TNRC6C: variants seen among roughly 807,000 people sequenced by gnomAD.
TNRC6C encodes trinucleotide repeat containing adaptor 6C, also known as trinucleotide repeat-containing gene 6C protein.
In TNRC6C, 20 loss-of-function variants were observed where a neutral mutation model predicts 153.7. The observed-to-expected ratio is 0.13, with a 90% CI of 0.09 to 0.19. The LOEUF (loss-of-function observed/expected upper bound fraction) is 0.19, where lower values mean the gene tolerates loss of function less well. TNRC6C is among the 10% of genes least tolerant of loss of function. The pLI is 1.00. For missense variants in TNRC6C, 1,987 were observed against 2,172.0 expected (o/e 0.91, Z 1.69); for synonymous variants, 811 against 841.4 (o/e 0.96, Z 0.63).
At chr17:78,005,312 A>T (rs1294579608) in intron 1 of TNRC6C, among the ~76,000 whole-genome samples, 1 of 152,152 alleles carries the variant, frequency 6.6e-6, no homozygotes, top group East Asian at 1.9e-4. Flanking sequence ...TAGCTTTCCA[A>T]ACAATGCTTT....
intron 2 of TNRC6C, chr17:78,041,227 G>A (rs1356203057): frequency 6.6e-6 from 1 of 152,218 alleles, no homozygotes; most frequent in Non-Finnish European, 1.5e-5. Flanking sequence ...TCCAGCGTGT[G>A]AGTGGTAGCC....
At chr17:78,041,986 A>C (rs2072305969) in intron 2 of TNRC6C, among the ~76,000 whole-genome samples, 1 of 152,170 alleles carries the variant, frequency 6.6e-6, no homozygotes, top group Non-Finnish European at 1.5e-5. Flanking sequence ...TACCTAATTA[A>C]AATTTTGCTT....
At chr17:77,981,771 G>A (rs1465100565) in intron 1 of TNRC6C, among the ~76,000 whole-genome samples, 1 of 152,154 alleles carries the variant, frequency 6.6e-6, no homozygotes, top group Non-Finnish European at 1.5e-5. Context: ...CGCTATGCCC[G>A]TTAGTTTACA....
chr17:77,978,691 G>A (rs980159591), intron 1 of TNRC6C, among the ~76,000 whole-genome samples: 26 of 152,154 alleles, frequency 1.7e-4, no homozygotes, highest in East Asian at 7.7e-4. Flanking sequence ...TGTCAGAGGC[G>A]GGGGTCACAA....
chr17:78,087,250 G>T lies in TNRC6C; in HGVS notation c.3802+157G>T, dbSNP rs935742145. 5.9e-5 allele frequency among the ~76,000 whole-genome samples: 9 copies of T among 151,926 alleles called. No individual in the cohort carries two copies. In the South Asian group the frequency reaches 1.9e-3, roughly 32 times the overall value. On this transcript the variant is annotated intron_variant, in intron 13 of 19. Coordinates refer to ENST00000301624, the Ensembl canonical transcript of TNRC6C. ...CAGCCCCAGACAAAATCGGAGAGCA[G>T]GTATCTCAAGGCTTTTTAATTTTAA...
rs373949733 is a variant in TNRC6C, at chr17:78,060,435, A to T, written c.2396-4287A>T. On this transcript the variant is annotated intron_variant, in intron 3 of 19. Transcript: ENST00000301624. ...CCAAGCACATAGCAAGCACTCAATA[A>T]ATGCCTGATCGATTGCATTTTTAAT... 9.9e-5 allele frequency among the ~76,000 whole-genome samples: 15 copies of T among 151,954 alleles called. 1 individual carries two copies. The highest frequency in any genetic ancestry group is 2.7e-4 in the African/African-American group (11 of 41,456).
chr17:78,087,522 G>A (rs535543679), intron 13 of TNRC6C, among the ~76,000 whole-genome samples: 1 of 152,162 alleles, frequency 6.6e-6, no homozygotes, highest in East Asian at 1.9e-4. Context: ...GGTAGTACCA[G>A]TCAGAGCCCC....
At chr17:77,965,663 G>A (rs1332146479) in intron 1 of TNRC6C, among the ~76,000 whole-genome samples, 1 of 152,168 alleles carries the variant, frequency 6.6e-6, no homozygotes, top group East Asian at 1.9e-4. Context: ...TATAGTGAGA[G>A]AAATGGGCAC....
intron 1 of TNRC6C, among the ~76,000 whole-genome samples, chr17:78,021,059 CTTGT>C (rs1387634422): frequency 6.6e-6 from 1 of 152,222 alleles, no homozygotes; most frequent in African/African-American, 2.4e-5. Flanking sequence ...CCAGGAAATT[CTTGT>C]TTGACTTTTG....
At chr17:78,031,255 G>A (rs181737608) in intron 1 of TNRC6C, among the ~76,000 whole-genome samples, 44 of 152,286 alleles carry the variant, frequency 2.9e-4, no homozygotes, top group African/African-American at 1.1e-3. Context: ...GAGAACTGCT[G>A]CTCCAGTCTT....
At chr17:77,987,808 T>C (rs990751647) in intron 1 of TNRC6C, among the ~76,000 whole-genome samples, 19 of 152,100 alleles carry the variant, frequency 1.2e-4, no homozygotes, top group Admixed American at 3.3e-4. Flanking sequence ...CCCTCCCAAG[T>C]AGCTGGGATT....
rs202067168 is a variant in TNRC6C at position 78,050,699 on chromosome 17, T to G, written c.1637T>G (p.Val546Gly). The G allele has an allele frequency of 9.1e-5, 143 of 1,573,990 alleles. No homozygotes were observed. The Middle Eastern group carries it at 3.9e-3, about 43-fold the overall frequency. ...GGGGACTCGATAAGCTCTACTGCTGTTAGTACTGCTGCTGCTGCCAAGAGT... is the reference window on the plus strand; with the variant it reads ...GGGGACTCGATAAGCTCTACTGCTGGTAGTACTGCTGCTGCTGCCAAGAGT... The change falls in exon 3 of 20, where the codon GTT becomes GGT. Residue 546 changes from valine (V) to glycine (G), a missense_variant. Val to Gly is a moderately radical substitution (Grantham distance 109). Around this residue, in one of 4 missense-constraint regions of TNRC6C, gnomAD observed 1,052 missense variants for 1,017.0 expected, o/e 1.03. Coordinates refer to ENST00000301624, the Ensembl canonical transcript of TNRC6C.
chr17:78,024,382 T>C (rs540608589), intron 1 of TNRC6C, among the ~76,000 whole-genome samples: 2 of 152,170 alleles, frequency 1.3e-5, no homozygotes, highest in South Asian at 4.1e-4. Flanking sequence ...GTTTGTTTTT[T>C]TGGAGATGGA....
chr17:78,080,574 A>G (rs1174801518), intron 10 of TNRC6C, among the ~76,000 whole-genome samples: 1 of 152,222 alleles, frequency 6.6e-6, no homozygotes, highest in Admixed American at 6.5e-5. Flanking sequence ...AGCACATTTT[A>G]CAATTTTAGG....
rs2073073740 is a variant in TNRC6C at position 78,075,807 on chromosome 17, A to T, written c.3060+529A>T. Among the ~76,000 whole-genome samples the T allele has an allele frequency of 6.6e-6, 1 of 152,288 alleles. No homozygotes were observed. Among genetic ancestry groups the T allele is most frequent in the African/African-American group, 2.4e-5 (1 of 41,560 alleles). ...AGTGTTGTCATGTAATGATGTCCCC[A>T]TGCCAGACTGGTGTGACTGCAAAGC... On this transcript the variant is annotated intron_variant, in intron 8 of 19. Transcript: ENST00000301624. The surrounding 1 kb of genome is among the most constrained non-coding windows in gnomAD (Gnocchi z 4.2).
At chr17:78,021,673 C>G (rs546812053) in intron 1 of TNRC6C, among the ~76,000 whole-genome samples, 274 of 152,212 alleles carry the variant, frequency 1.8e-3, no homozygotes, top group Middle Eastern at 6.8e-3. Flanking sequence ...TGGCTCAAGT[C>G]ATTATTCTGC....
At chr17:78,013,596 G>A (rs2071674950) in intron 1 of TNRC6C, among the ~76,000 whole-genome samples, 2 of 152,176 alleles carry the variant, frequency 1.3e-5, no homozygotes, top group African/African-American at 4.8e-5. Context: ...AGTCTTATGA[G>A]GAATGGACAT....
At chr17:78,001,985 G>A (rs2071420078), upstream of TNRC6C, among the ~76,000 whole-genome samples, 3 of 151,976 alleles carry the variant, frequency 2.0e-5, no homozygotes, top group Admixed American at 6.6e-5. Flanking sequence ...TTCCCAGTCT[G>A]GCCATTCCTT....
exon 9 of TNRC6C, chr17:78,077,309 T>C: frequency 1.9e-6 from 3 of 1,578,902 alleles, no homozygotes; most frequent in Non-Finnish European, 2.6e-6. Flanking sequence ...GGGCTGGGCA[T>C]GCAAAACTTG....
Sources: allele counts gnomAD v4.1 joint callset (sites outside exome capture counted in the v4.1 genomes callset), GRCh38; gene constraint gnomAD v4.1.1; regional missense constraint gnomAD v4.1.1; non-coding constraint Gnocchi (gnomAD v3.1); transcripts MANE v1.5; gene names NCBI Gene and HGNC (gene_info 2026-07-23, HGNC 2026-07-21).